DPT: variants seen among roughly 807,000 people sequenced by gnomAD.
DPT encodes dermatopontin, also known as tyrosine-rich acidic matrix protein.
In DPT, 21 loss-of-function variants were observed where a neutral mutation model predicts 31.2. That is an observed-to-expected ratio of 0.67 (90% CI 0.48 to 0.97). The LOEUF is 0.97. Ranked by LOEUF, DPT falls within the 50% of genes least tolerant of loss-of-function variation. The pLI, the probability that DPT is intolerant of heterozygous loss-of-function variation, is 0.00. For missense variants in DPT, 262 were observed against 258.8 expected (o/e 1.01, Z -0.08); for synonymous variants, 91 against 86.9 (o/e 1.05, Z -0.26).
At chr1:168,697,681 A>G (rs1013586542) in intron 3 of DPT, among the ~76,000 whole-genome samples, 1 of 152,230 alleles carries the variant, frequency 6.6e-6, no homozygotes, top group Non-Finnish European at 1.5e-5. Context: ...AGTGATAATG[A>G]TAATTGTAGC....
intron 1 of DPT, among the ~76,000 whole-genome samples, chr1:168,727,819 G>A (rs1044696808): frequency 3.9e-5 from 6 of 152,078 alleles, no homozygotes; most frequent in East Asian, 1.9e-4. Context: ...GATTACAGGC[G>A]TGAGCCACCA....
At position 168,704,182 on chromosome 1, in the gene DPT, A is replaced by G. The variant is rs1475259811; in HGVS notation, c.432-3058T>C. Among the ~76,000 whole-genome samples the G allele has an allele frequency of 4.6e-5, 7 of 152,196 alleles. 1 individual carries two copies. In the South Asian group the frequency reaches 8.3e-4, roughly 18 times the overall value. The stretch of plus-strand genomic sequence containing the variant: ...CTTCCTTGTGAATTCCTTGTGAATT[A>G]CTAGGTCACTTTAAGCAGTTTTTTG... On this transcript the variant is annotated intron_variant, in intron 2 of 3. Transcript: ENST00000367817.
chr1:168,718,277 C>A (rs1650030900), intron 1 of DPT, among the ~76,000 whole-genome samples: 2 of 152,192 alleles, frequency 1.3e-5, no homozygotes, highest in South Asian at 4.1e-4. Flanking sequence ...CATGGAGTAC[C>A]AGTTCTGAAG....
At chr1:168,712,903 C>A (rs1250338167) in intron 2 of DPT, among the ~76,000 whole-genome samples, 1 of 151,790 alleles carries the variant, frequency 6.6e-6, no homozygotes, top group Non-Finnish European at 1.5e-5. Context: ...AAGACAAGGT[C>A]TATAGTTTTC....
At chr1:168,716,051 A>G (rs1649980628) in intron 1 of DPT, among the ~76,000 whole-genome samples, 1 of 152,248 alleles carries the variant, frequency 6.6e-6, no homozygotes, top group Admixed American at 6.5e-5. Flanking sequence ...TAACATTATC[A>G]ACAAGTGGAT....
At chr1:168,723,464 T>C (rs1435268895) in intron 1 of DPT, among the ~76,000 whole-genome samples, 2 of 152,196 alleles carry the variant, frequency 1.3e-5, no homozygotes, top group Non-Finnish European at 2.9e-5. Context: ...AGTGAATGAA[T>C]AAACAAATGA....
chr1:168,720,421 T>C (rs1189481793), intron 1 of DPT, among the ~76,000 whole-genome samples: 1 of 152,068 alleles, frequency 6.6e-6, no homozygotes, highest in East Asian at 1.9e-4. Context: ...AGTGTCTGGT[T>C]TTGTTGGTGA....
chr1:168,709,108 C>T (rs554730284), intron 2 of DPT, among the ~76,000 whole-genome samples: 4 of 152,282 alleles, frequency 2.6e-5, no homozygotes, highest in African/African-American at 9.6e-5. Context: ...CATTATTTTA[C>T]AGTCAAAAGA....
intron 1 of DPT, among the ~76,000 whole-genome samples, chr1:168,724,267 A>G (rs1650187368): frequency 2.0e-5 from 3 of 152,230 alleles, no homozygotes; most frequent in Non-Finnish European, 4.4e-5. Context: ...TCAAAATGAG[A>G]TGTGAACAAT....
At chr1:168,697,636 T>C (rs1649493290) in intron 3 of DPT, among the ~76,000 whole-genome samples, 1 of 152,222 alleles carries the variant, frequency 6.6e-6, no homozygotes, top group Admixed American at 6.5e-5. Context: ...AGTGCCTACA[T>C]TGCATGACAC....
chr1:168,714,282 G>T lies in DPT; in HGVS notation c.370C>A (p.Leu124Met). Residue 124 changes from leucine (L) to methionine (M), a missense_variant, in exon 2 of 4, where the codon CTG becomes ATG. Transcript: ENST00000367817. ...GFQSRYFESV[L>M]DREWQFYCCR... ...CAGTAAAACTGCCACTCCCGATCCA[G>T]CACTGACTCGAAGTAGCGGCTCTGG... 6.2e-7 allele frequency: 1 copy of T among 1,614,044 alleles called. No homozygotes were observed. Among genetic ancestry groups the T allele is most frequent in the South Asian group, 1.1e-5 (1 of 91,070 alleles).
intron 2 of DPT, among the ~76,000 whole-genome samples, chr1:168,707,318 T>C (rs972380754): frequency 6.6e-6 from 1 of 152,192 alleles, no homozygotes; most frequent in Non-Finnish European, 1.5e-5. Flanking sequence ...TTCATATCCA[T>C]TCACATTCAT....
At chr1:168,705,326 G>A (rs1326775499) in intron 2 of DPT, among the ~76,000 whole-genome samples, 1 of 152,114 alleles carries the variant, frequency 6.6e-6, no homozygotes, top group Admixed American at 6.5e-5. Context: ...GTGTCACCTG[G>A]AAGCTCCTCT....
chr1:168,717,431 T>C (rs1200884738), intron 1 of DPT, among the ~76,000 whole-genome samples: 1 of 152,156 alleles, frequency 6.6e-6, no homozygotes, highest in Non-Finnish European at 1.5e-5. Context: ...ATTTGTTTAA[T>C]TTCCTTGTAG....
intron 1 of DPT, among the ~76,000 whole-genome samples, chr1:168,725,712 C>A (rs1035972194): frequency 6.6e-6 from 1 of 152,204 alleles, no homozygotes; most frequent in Non-Finnish European, 1.5e-5. Context: ...TCAATGGCAG[C>A]ACCACAGACC....
At chr1:168,707,928 G>T (rs1299281244) in intron 2 of DPT, among the ~76,000 whole-genome samples, 1 of 152,140 alleles carries the variant, frequency 6.6e-6, no homozygotes, top group Non-Finnish European at 1.5e-5. Context: ...TATTAGCAGT[G>T]TGAGAATGGA....
At chr1:168,719,600 A>C (rs11582481) in intron 1 of DPT, among the ~76,000 whole-genome samples, 53,445 of 151,716 alleles carry the variant, frequency 0.35, 9,876 homozygotes, top group Middle Eastern at 0.38. Flanking sequence ...GCTTGGAGGG[A>C]AACTACTTGG....
In DPT at chr1:168,696,513, C is replaced by A. The variant is rs529837335; in HGVS notation, c.*36G>T. On this transcript the variant is annotated 3_prime_UTR_variant, in exon 4 of 4. Transcript: ENST00000367817. ...ATGTGGACACCCTCCTGTCCCCGGC[C>A]CCTTTCCTTTCACCCAGATTTGGTA... 2.5e-6 allele frequency: 4 copies of A among 1,597,396 alleles called. No individual in the cohort carries two copies. In the Admixed American group the frequency reaches 5.0e-5, roughly 20 times the overall value.
chr1:168,727,818 C>T (rs1014135693), intron 1 of DPT, among the ~76,000 whole-genome samples: 1 of 152,002 alleles, frequency 6.6e-6, no homozygotes, highest in Non-Finnish European at 1.5e-5. Context: ...GGATTACAGG[C>T]GTGAGCCACC....
Sources: allele counts gnomAD v4.1 joint callset (sites outside exome capture counted in the v4.1 genomes callset), GRCh38; gene constraint gnomAD v4.1.1; transcripts MANE v1.5; gene names NCBI Gene and HGNC (gene_info 2026-07-23, HGNC 2026-07-21).